Variants in GPC5 observed in about 807,000 individuals in gnomAD.
The protein encoded by GPC5 is glypican-5.
In GPC5, 47 loss-of-function variants were observed where a neutral mutation model predicts 53.9. The ratio of observed to expected loss-of-function variants is 0.87; its 90% CI spans 0.69 to 1.11. The LOEUF is 1.11. GPC5 is among the 50% of genes most tolerant of loss of function. The pLI, the probability that GPC5 is intolerant of heterozygous loss-of-function variation, is 0.00. For missense variants in GPC5, 748 were observed against 713.1 expected (o/e 1.05, Z -0.56); for synonymous variants, 286 against 263.3 (o/e 1.09, Z -0.84).
chr13:92,835,497 G>A (rs1421602398), intron 7 of GPC5, among the ~76,000 whole-genome samples: 1 of 151,796 alleles, frequency 6.6e-6, no homozygotes, highest in African/African-American at 2.4e-5. Context: ...AAATTAACCT[G>A]GTTGGCTCCT....
At chr13:92,280,736 CT>C (rs1022660661) in intron 7 of GPC5, among the ~76,000 whole-genome samples, 2 of 152,008 alleles carry the variant, frequency 1.3e-5, no homozygotes, top group African/African-American at 4.8e-5. Context: ...GACTAGTATT[CT>C]TATAAGAAAA....
At chr13:92,531,688 A>G (rs1881568616) in intron 7 of GPC5, among the ~76,000 whole-genome samples, 1 of 152,092 alleles carries the variant, frequency 6.6e-6, no homozygotes, top group Non-Finnish European at 1.5e-5. Flanking sequence ...CTCCTATTCC[A>G]TAGGATTCCA....
intron 2 of GPC5, among the ~76,000 whole-genome samples, chr13:91,508,930 C>T (rs145335636): frequency 1.2e-4 from 18 of 152,270 alleles, no homozygotes; most frequent in Admixed American, 2.6e-4. Context: ...CAGCAGAGCT[C>T]GAGTTAGCCC....
chr13:92,114,781 T>C (rs2041587506), intron 6 of GPC5, among the ~76,000 whole-genome samples: 1 of 152,164 alleles, frequency 6.6e-6, no homozygotes, highest in Non-Finnish European at 1.5e-5. Context: ...ATGTATATTC[T>C]CCTACATAAG....
At chr13:91,460,863 A>T (rs1230666464) in intron 2 of GPC5, among the ~76,000 whole-genome samples, 1 of 152,166 alleles carries the variant, frequency 6.6e-6, no homozygotes, top group African/African-American at 2.4e-5. Flanking sequence ...TAAAATGAAA[A>T]ATAAGATACC....
intron 7 of GPC5, among the ~76,000 whole-genome samples, chr13:92,476,334 C>T (rs1405368206): frequency 1.3e-5 from 2 of 151,936 alleles, no homozygotes; most frequent in African/African-American, 4.8e-5. Context: ...CAAATCAAAA[C>T]CACAATGAGA....
chr13:92,548,382 ATATAAAT>A (rs901241970), intron 7 of GPC5, among the ~76,000 whole-genome samples: 39 of 151,444 alleles, frequency 2.6e-4, no homozygotes, highest in African/African-American at 9.2e-4. Context: ...TATATTAAAA[ATATAAAT>A]TATATAAATA....
intron 7 of GPC5, among the ~76,000 whole-genome samples, chr13:92,827,695 C>A (rs920624910): frequency 3.3e-5 from 5 of 152,074 alleles, no homozygotes; most frequent in Non-Finnish European, 5.9e-5. Context: ...AAAGTGCCTT[C>A]GGTTCCTTGA....
chr13:91,789,478 A>G (rs947513219), intron 5 of GPC5, among the ~76,000 whole-genome samples: 1 of 152,194 alleles, frequency 6.6e-6, no homozygotes, highest in African/African-American at 2.4e-5. Flanking sequence ...TATAATTGGA[A>G]CTAAAAACAC....
At chr13:91,514,299 G>T (rs1481845917) in intron 2 of GPC5, among the ~76,000 whole-genome samples, 1 of 152,102 alleles carries the variant, frequency 6.6e-6, no homozygotes, top group Non-Finnish European at 1.5e-5. Flanking sequence ...GAGTATGAGT[G>T]AGCCAACATT....
intron 7 of GPC5, among the ~76,000 whole-genome samples, chr13:92,300,532 A>T (rs1433522808): frequency 1.3e-5 from 2 of 152,206 alleles, no homozygotes; most frequent in East Asian, 3.8e-4. Context: ...ATTCAACTCA[A>T]ATATCTTTAT....
chr13:92,051,493 C>T (rs2041029189), intron 6 of GPC5, among the ~76,000 whole-genome samples: 1 of 151,640 alleles, frequency 6.6e-6, no homozygotes, highest in Non-Finnish European at 1.5e-5. Context: ...AGCTACTGCA[C>T]CCGGACGAGA....
chr13:91,403,293 CA>C (rs758965606), intron 1 of GPC5, among the ~76,000 whole-genome samples: 5 of 152,144 alleles, frequency 3.3e-5, no homozygotes, highest in Non-Finnish European at 5.9e-5. Context: ...TTTGTTGCAG[CA>C]AGGGAGATTG....
chr13:91,717,811 T>C (rs951514518), intron 3 of GPC5, among the ~76,000 whole-genome samples: 1 of 152,004 alleles, frequency 6.6e-6, no homozygotes, highest in African/African-American at 2.4e-5. Flanking sequence ...CACCTCGGCT[T>C]CCCAAAGTGC....
chr13:92,784,580 AGAT>A (rs1428891989), intron 7 of GPC5, among the ~76,000 whole-genome samples: 1 of 152,182 alleles, frequency 6.6e-6, no homozygotes, highest in Non-Finnish European at 1.5e-5. Flanking sequence ...TCAATATTAA[AGAT>A]GAAAATAAAT....
intron 7 of GPC5, among the ~76,000 whole-genome samples, chr13:92,833,233 T>C (rs1202202656): frequency 1.3e-5 from 2 of 152,176 alleles, no homozygotes; most frequent in South Asian, 4.1e-4. Flanking sequence ...ACTTATATGA[T>C]TCACAGCATC....
intron 7 of GPC5, among the ~76,000 whole-genome samples, chr13:92,720,854 A>G (rs1414444510): frequency 2.0e-5 from 3 of 152,162 alleles, no homozygotes; most frequent in East Asian, 1.9e-4. Context: ...ATCAAGAATC[A>G]TCTACCCAGG....
chr13:92,632,485 T>TATATATATATACAC lies in GPC5; in HGVS notation c.1562-233796_1562-233795insTATATATATACACA, dbSNP rs138355646. The stretch of plus-strand genomic sequence containing the variant: ...CCACATATATATATATATATATATA[T>TATATATATATACAC]ACACATATATATATGCACACACACA... On this transcript the variant is annotated intron_variant, in intron 7 of 7. Coordinates refer to ENST00000377067, the MANE Select transcript of GPC5 (RefSeq NM_004466.6). Among the ~76,000 whole-genome samples the TATATATATATACAC allele has an allele frequency of 3.6e-4, 49 of 137,658 alleles. 1 individual carries two copies. Among genetic ancestry groups the TATATATATATACAC allele is most frequent in the Middle Eastern group, 3.8e-3 (1 of 262 alleles). 90.3% of individuals were successfully genotyped at this position (137,658 alleles called of 152,430 possible).
At chr13:91,510,046 A>G (rs1885154633) in intron 2 of GPC5, among the ~76,000 whole-genome samples, 1 of 152,160 alleles carries the variant, frequency 6.6e-6, no homozygotes, top group Non-Finnish European at 1.5e-5. Flanking sequence ...ATTCTTACAT[A>G]TAAAACATAC....
Sources: gnomAD v4.1 joint callset for allele counts (sites outside exome capture counted in the v4.1 genomes callset) on GRCh38, gnomAD v4.1.1 for gene constraint, MANE v1.5 for transcripts, NCBI Gene and HGNC (gene_info 2026-07-23, HGNC 2026-07-21) for gene names.